RASL11A: variants seen among roughly 807,000 people sequenced by gnomAD.
The protein encoded by RASL11A is RAS like family 11 member A.
A neutral mutation model predicts 17.1 loss-of-function variants in RASL11A; 14 were observed. The ratio of observed to expected loss-of-function variants is 0.82; its 90% confidence interval spans 0.54 to 1.28. RASL11A has a LOEUF of 1.28. Among genes scored for constraint, RASL11A ranks in the 50% most tolerant of loss-of-function variants. The pLI, the probability that RASL11A is intolerant of heterozygous loss-of-function variation, is 0.00. For missense variants in RASL11A, 283 were observed against 312.3 expected (o/e 0.91, Z 0.71); for synonymous variants, 146 against 132.5 (o/e 1.10, Z -0.70).
chr13:27,271,142 G>C (rs1311386071), intron 1 of RASL11A, 74 bp downstream of exon 1: 2 of 1,505,562 alleles, frequency 1.3e-6, no homozygotes, highest in Non-Finnish European at 1.8e-6. Flanking sequence ...GCTGCGGAGA[G>C]AGGGCGCCTC....
rs1447293033 is a variant in RASL11A at position 27,271,049 on chromosome 13, C to T, written c.105C>T (p.Ala35=). The change falls in exon 1 of 4, where the codon GCC becomes GCT. Residue 35 remains alanine (A), a synonymous_variant. Transcript: ENST00000241463. The part of the protein sequence containing the change: ...PKDIKLAVLG[A]GRVGKSAMIV... ...ACATCAAACTGGCGGTGCTGGGCGC[C>T]GGCCGCGTGGGCAAGAGCGGTGAGT... 1.3e-6 allele frequency: 2 copies of T among 1,577,968 alleles called. No individual in the cohort carries two copies. The highest frequency in any genetic ancestry group is 2.3e-5 in the South Asian group (2 of 86,382).
rs772384943 is a variant in RASL11A, at chr13:27,273,485, A to C, written c.720A>C (p.Ala240=). ...CTCCCAAAGTCAAAGCCCCCTCTGC[A>C]CTGGGGTGAACTATCTCAGACAGAT... The part of the protein sequence containing the change: ...ALSPKVKAPS[A]LG Residue 240 remains alanine (A), a synonymous_variant, in exon 4 of 4, where the codon GCA becomes GCC. Coordinates refer to ENST00000241463, the MANE Select transcript of RASL11A (RefSeq NM_206827.2). 1.9e-5 allele frequency: 30 copies of C among 1,613,280 alleles called. No individual in the cohort carries two copies. In the East Asian group the frequency reaches 6.0e-4, roughly 32 times the overall value.
chr13:27,274,304 A>C lies in RASL11A; in HGVS notation c.*810A>C, dbSNP rs997641171. ...GCAAGACTCATGTTTCTTGCCTTCT[A>C]GAATGACATCTCCTAATTGTCTCTT... On this transcript the variant is annotated 3_prime_UTR_variant, in exon 4 of 4. Coordinates refer to ENST00000241463, the MANE Select transcript of RASL11A (RefSeq NM_206827.2). 3.3e-5 allele frequency among the ~76,000 whole-genome samples: 5 copies of C among 152,200 alleles called. No homozygotes were observed. The highest frequency in any genetic ancestry group is 2.6e-4 in the Admixed American group (4 of 15,284).
chr13:27,272,522 A>G (rs1882327405), intron 3 of RASL11A, among the ~76,000 whole-genome samples: 1 of 152,226 alleles, frequency 6.6e-6, no homozygotes, highest in African/African-American at 2.4e-5. Context: ...TCTAGAATGT[A>G]ACTTGTTTAT....
chr13:27,270,951 C>T lies in RASL11A; in HGVS notation c.7C>T (p.Pro3Ser), dbSNP rs1882259667. 2 of 1,593,146 alleles carry T rather than the reference C, an allele frequency of 1.3e-6. No homozygotes were observed. Among genetic ancestry groups the T allele is most frequent in the South Asian group, 1.1e-5 (1 of 87,610 alleles). MR[P>S]LSMSGHFLLA... ...GGACCCCGGGACGCGCTCCATGCGG[C>T]CGCTCAGCATGTCCGGGCACTTTCT... The change falls in exon 1 of 4, where the codon CCG becomes TCG. Residue 3 changes from proline (P) to serine (S), a missense_variant. Physicochemically the swap from Pro to Ser is moderately conservative, Grantham distance 74. Coordinates refer to ENST00000241463, the MANE Select transcript of RASL11A (RefSeq NM_206827.2).
Position 27,273,434 on chromosome 13 carries a change from G to C in RASL11A, c.669G>C (p.Leu223=). The C allele has an allele frequency of 6.2e-7, 1 of 1,614,214 alleles. No individual in the cohort carries two copies. The highest frequency in any genetic ancestry group is 8.5e-7 in the Non-Finnish European group (1 of 1,180,036). Residue 223 remains leucine (L), a synonymous_variant, in exon 4 of 4, where the codon CTG becomes CTC. Transcript: ENST00000241463. ...CCCGCTCTCCCAACATGCAGGACCTGAAGAGACGCTTCAAGCAGGCTCTGT... is the reference window on the plus strand; with the variant it reads ...CCCGCTCTCCCAACATGCAGGACCTCAAGAGACGCTTCAAGCAGGCTCTGT... ...PRPRSPNMQD[L]KRRFKQALSP... is the part of the protein sequence containing the mutation.
chr13:27,273,893 G>A lies in RASL11A; in HGVS notation c.*399G>A, dbSNP rs1401345888. On this transcript the variant is annotated 3_prime_UTR_variant, in exon 4 of 4. Coordinates refer to ENST00000241463, the MANE Select transcript of RASL11A (RefSeq NM_206827.2). ...GCAGTGGGGAGGAGTTCATGTAGAG[G>A]GAGTCTGTTGTGGGAGAAAGGAAAG... 6.6e-6 allele frequency among the ~76,000 whole-genome samples: 1 copy of A among 151,806 alleles called. No homozygotes were observed. Among genetic ancestry groups the A allele is most frequent in the Non-Finnish European group, 1.5e-5 (1 of 67,968 alleles).
rs1369820723 is a variant in RASL11A, at chr13:27,274,353, A to C, written c.*859A>C. 6.6e-6 allele frequency among the ~76,000 whole-genome samples: 1 copy of C among 152,070 alleles called. No homozygotes were observed. Among genetic ancestry groups the C allele is most frequent in the African/African-American group, 2.4e-5 (1 of 41,384 alleles). Reference sequence around the variant, plus strand: ...TTCACATCAGAACAATGCTACTAAAACTAACCCTAATCATTTTATTTCTAT... The same window carrying C: ...TTCACATCAGAACAATGCTACTAAACCTAACCCTAATCATTTTATTTCTAT... On this transcript the variant is annotated 3_prime_UTR_variant, in exon 4 of 4. Transcript: ENST00000241463.
Position 27,273,327 on chromosome 13 carries a change from G to A in RASL11A, c.562G>A (p.Val188Met). 1 of 1,614,208 alleles carries A rather than the reference G, an allele frequency of 6.2e-7. No individual in the cohort carries two copies. Among genetic ancestry groups the A allele is most frequent in the Non-Finnish European group, 8.5e-7 (1 of 1,180,044 alleles). ...CGAAAACTACGAAGATGTCTGTGAT[G>A]TGTTTCAGCATCTCTGCAAAGAAGT... ...TSENYEDVCDVFQHLCKEVSK... is the reference protein window; with the variant it reads ...TSENYEDVCDMFQHLCKEVSK... Residue 188 changes from valine to methionine, a missense_variant, in exon 4 of 4, where the codon GTG becomes ATG. Physicochemically the swap from Val to Met is conservative, Grantham distance 21. Coordinates refer to ENST00000241463, the MANE Select transcript of RASL11A (RefSeq NM_206827.2).
chr13:27,271,441 G>A (rs773227652), intron 1 of RASL11A, 43 bp from the exon 2 acceptor site: 4 of 1,611,944 alleles, frequency 2.5e-6, no homozygotes, highest in Non-Finnish European at 3.4e-6. Flanking sequence ...GGTTTGACAG[G>A]CTTGTTCTAC....
chr13:27,272,888 C>A, intron 3 of RASL11A, 139 bp from the exon 4 acceptor site: 1 of 688,344 alleles, frequency 1.5e-6, no homozygotes, highest in African/African-American at 1.8e-5. Context: ...CCTGCTTCTG[C>A]AGAAGCTGGG....
Position 27,273,166 on chromosome 13 carries a change from T to C in RASL11A, c.401T>C (p.Val134Ala), listed in dbSNP as rs1349759986. ...IRPLYQHIRK[V>A]HPDSKAPVII... ...CCCCTTTATCAGCACATCCGGAAGG[T>C]CCACCCTGACTCTAAAGCCCCTGTC... The change falls in exon 4 of 4, where the codon GTC becomes GCC. Residue 134 changes from valine to alanine, a missense_variant. Physicochemically the swap from Val to Ala is moderately conservative, Grantham distance 64. Coordinates refer to ENST00000241463, the MANE Select transcript of RASL11A (RefSeq NM_206827.2). The C allele has an allele frequency of 6.2e-7, 1 of 1,614,006 alleles. No homozygotes were observed. Among genetic ancestry groups the C allele is most frequent in the East Asian group, 2.2e-5 (1 of 44,898 alleles).
rs930672152 is a variant in RASL11A at position 27,271,306 on chromosome 13, A to G, written c.125-178A>G. ...CGCCTGTTCGGGGATGGGGTGCGGG[A>G]GAGGTGTCCCGCCAGTCGTACTCGC... On this transcript the variant is annotated intron_variant, in intron 1 of 3. Coordinates refer to ENST00000241463, the MANE Select transcript of RASL11A (RefSeq NM_206827.2). 6 of 1,462,764 alleles carry G rather than the reference A, an allele frequency of 4.1e-6. No individual in the cohort carries two copies. In the African/African-American group the frequency reaches 8.5e-5, roughly 21 times the overall value. The allele number at this position is 1,462,764 out of a possible 1,614,324, so 90.6% of individuals were successfully genotyped here.
At position 27,273,459 on chromosome 13, in the gene RASL11A, T is replaced by C; in HGVS notation, c.694T>C (p.Ser232Pro). Residue 232 changes from serine (S) to proline (P), a missense_variant, in exon 4 of 4, where the codon TCT becomes CCT. Ser to Pro is a moderately conservative substitution (Grantham distance 74). Transcript: ENST00000241463. ...DLKRRFKQAL[S>P]PKVKAPSALG is the part of the protein sequence containing the mutation. ...GAAGAGACGCTTCAAGCAGGCTCTG[T>C]CTCCCAAAGTCAAAGCCCCCTCTGC... 1 of 1,614,062 alleles carries C rather than the reference T, an allele frequency of 6.2e-7. No homozygotes were observed. Among genetic ancestry groups the C allele is most frequent in the Admixed American group, 1.7e-5 (1 of 60,006 alleles).
At chr13:27,271,231 T>C (rs1882273015) in intron 1 of RASL11A, 163 bp downstream of exon 1, 1 of 1,446,764 alleles carries the variant, frequency 6.9e-7, no homozygotes, top group African/African-American at 1.4e-5. Context: ...CCCGGCCTGC[T>C]TCCCTGGCGT....
chr13:27,271,319 C>T, intron 1 of RASL11A, 165 bp from the exon 2 acceptor site: 1 of 1,469,976 alleles, frequency 6.8e-7, no homozygotes, highest in East Asian at 2.5e-5. Context: ...GGTGTCCCGC[C>T]AGTCGTACTC....
chr13:27,271,255 T>C (rs1008359383), intron 1 of RASL11A, 187 bp downstream of exon 1: 1 of 1,447,602 alleles, frequency 6.9e-7, no homozygotes, highest in African/African-American at 1.4e-5. Context: ...CTGGTGCATC[T>C]ACTCCTGGGA....
Position 27,271,037 on chromosome 13 carries a change from G to T in RASL11A, c.93G>T (p.Ala31=). The change falls in exon 1 of 4, where the codon GCG becomes GCT. Residue 31 remains alanine, a synonymous_variant. Coordinates refer to ENST00000241463, the MANE Select transcript of RASL11A (RefSeq NM_206827.2). ...DYLLPKDIKL[A]VLGAGRVGKS... is the part of the protein sequence containing the mutation. ...TACTGCCCAAGGACATCAAACTGGC[G>T]GTGCTGGGCGCCGGCCGCGTGGGCA... 1.3e-6 allele frequency: 2 copies of T among 1,583,372 alleles called. No homozygotes were observed. Among genetic ancestry groups the T allele is most frequent in the East Asian group, 2.3e-5 (1 of 43,138 alleles).
In RASL11A at chr13:27,273,299, T is replaced by C; in HGVS notation, c.534T>C (p.Thr178=). The change falls in exon 4 of 4, where the codon ACT becomes ACC. Residue 178 remains threonine, a synonymous_variant. Transcript: ENST00000241463. ...ELGSLFLEIS[T]SENYEDVCDV... ...GCAGCCTGTTCCTTGAAATTTCCACTAGCGAAAACTACGAAGATGTCTGTG... is the reference window on the plus strand; with the variant it reads ...GCAGCCTGTTCCTTGAAATTTCCACCAGCGAAAACTACGAAGATGTCTGTG... The C allele has an allele frequency of 6.2e-7, 1 of 1,614,212 alleles. No homozygotes were observed. Among genetic ancestry groups the C allele is most frequent in the Non-Finnish European group, 8.5e-7 (1 of 1,180,040 alleles).
Sources: gnomAD v4.1 joint callset for allele counts (sites outside exome capture counted in the v4.1 genomes callset) on GRCh38, gnomAD v4.1.1 for gene constraint, MANE v1.5 for transcripts, NCBI Gene and HGNC (gene_info 2026-07-23, HGNC 2026-07-21) for gene names.